DNAH5: variants seen among roughly 807,000 people sequenced by gnomAD.
DNAH5 encodes the protein axonemal beta dynein heavy chain 5.
A neutral mutation model predicts 518.2 loss-of-function variants in DNAH5; 372 were observed. The observed-to-expected ratio is 0.72, with a 90% CI of 0.66 to 0.78. The LOEUF (loss-of-function observed/expected upper bound fraction) is 0.78, where lower values mean the gene tolerates loss of function less well. Among genes scored for constraint, DNAH5 ranks in the 30% least tolerant of loss-of-function variants. The probability of loss-of-function intolerance (pLI) is 0.00; values close to 1 mark genes in which losing one functional copy is unlikely to be tolerated. For missense variants in DNAH5, 5,523 were observed against 5,687.0 expected, an observed-to-expected ratio of 0.97 and a Z score of 0.93; for synonymous variants, 2,039 against 2,025.9, an observed-to-expected ratio of 1.01 and a Z score of -0.17.
intron 1 of DNAH5, among the ~76,000 whole-genome samples, chr5:13,940,643 C>G (rs577216958): frequency 1.3e-5 from 2 of 152,100 alleles, no homozygotes; most frequent in South Asian, 4.1e-4. Flanking sequence ...CCTGGTGATT[C>G]TAATGTACAG....
intron 22 of DNAH5, among the ~76,000 whole-genome samples, chr5:13,872,698 T>A (rs930889825): frequency 3.3e-5 from 5 of 152,132 alleles, no homozygotes; most frequent in Non-Finnish European, 7.4e-5. Context: ...AATGCAGAGG[T>A]CATGTTTTCA....
At chr5:13,698,041 C>T (rs1036295864) in intron 78 of DNAH5, among the ~76,000 whole-genome samples, 2 of 152,162 alleles carry the variant, frequency 1.3e-5, no homozygotes, top group African/African-American at 4.8e-5. Flanking sequence ...ATCATCATGC[C>T]AGTGAGATAG....
intron 1 of DNAH5, among the ~76,000 whole-genome samples, chr5:14,010,659 C>T (rs187433480): frequency 6.6e-6 from 1 of 151,964 alleles, no homozygotes; most frequent in East Asian, 1.9e-4. Flanking sequence ...GTATTTATGA[C>T]ATAAATTATA....
chr5:13,852,644 G>T lies in DNAH5; in HGVS notation c.4951-1829C>A, dbSNP rs191518763. Among the ~76,000 whole-genome samples, 665 of 152,296 alleles carry T rather than the reference G, an allele frequency of 4.4e-3. 3 individuals carry two copies. The highest frequency in any genetic ancestry group is 0.015 in the African/African-American group (637 of 41,558). On this transcript the variant is annotated intron_variant, in intron 30 of 78. Transcript: ENST00000265104. ...GCTTGAAATTCTCACTGGCAGCACAGCAGTCTGAAGTCGACCGGGAATGCT... is the reference window on the plus strand; with the variant it reads ...GCTTGAAATTCTCACTGGCAGCACATCAGTCTGAAGTCGACCGGGAATGCT...
Position 13,994,679 on chromosome 5 carries a change from G to A in DNAH5, c.12+16969C>T, listed in dbSNP as rs150561140. On this transcript the variant is annotated intron_variant, in intron 1 of 78. Transcript: ENST00000681290. ...GTCTCTTCTGCTCATAAGCTTAAAC[G>A]GAAGGGGAACCCACAAGCTGGTTGG... Among the ~76,000 whole-genome samples, 208 of 152,214 alleles carry A rather than the reference G, an allele frequency of 1.4e-3. 3 individuals are homozygous for A. The highest frequency in any genetic ancestry group is 4.5e-3 in the African/African-American group (188 of 41,520).
intron 12 of DNAH5, among the ~76,000 whole-genome samples, chr5:13,902,721 G>C (rs1357397828): frequency 6.6e-6 from 1 of 152,166 alleles, no homozygotes; most frequent in Non-Finnish European, 1.5e-5. Flanking sequence ...CCCTGCCCTA[G>C]AGGAACTGAA....
At chr5:13,732,516 G>C (rs968761536) in intron 68 of DNAH5, among the ~76,000 whole-genome samples, 1 of 152,096 alleles carries the variant, frequency 6.6e-6, no homozygotes, top group African/African-American at 2.4e-5. Flanking sequence ...ACAGGTGTGA[G>C]CCACCACTCC....
intron 1 of DNAH5, among the ~76,000 whole-genome samples, chr5:13,960,523 G>A (rs1390911796): frequency 2.6e-5 from 4 of 152,222 alleles, no homozygotes; most frequent in African/African-American, 9.6e-5. Flanking sequence ...GCCCATGGCT[G>A]CGTTCATGCT....
chr5:13,824,649 A>G (rs547735552), intron 38 of DNAH5, among the ~76,000 whole-genome samples: 7 of 152,320 alleles, frequency 4.6e-5, no homozygotes, highest in Admixed American at 6.5e-5. Flanking sequence ...TTCTTAATCA[A>G]TCATACATAA....
At chr5:13,859,115 A>G (rs1768026183) in intron 30 of DNAH5, among the ~76,000 whole-genome samples, 1 of 152,130 alleles carries the variant, frequency 6.6e-6, no homozygotes, top group Non-Finnish European at 1.5e-5. Flanking sequence ...TACCATTGTC[A>G]AGATAACTGC....
chr5:13,789,710 T>C (rs1222640238), intron 50 of DNAH5, among the ~76,000 whole-genome samples: 3 of 152,214 alleles, frequency 2.0e-5, no homozygotes, highest in South Asian at 4.1e-4. Flanking sequence ...CTGGAATTGT[T>C]TGTGCTGATT....
intron 35 of DNAH5, 21 bp from the exon 36 acceptor site, chr5:13,830,796 C>T (rs1458076626): frequency 1.9e-6 from 3 of 1,613,498 alleles, no homozygotes; most frequent in Non-Finnish European, 2.5e-6. Context: ...AGAAACATCA[C>T]TAGAACCAGC....
chr5:13,810,157 A>G lies in DNAH5; in HGVS notation c.7511T>C (p.Leu2504Pro), dbSNP rs1344694038. 1 of 1,548,526 alleles carries G rather than the reference A, an allele frequency of 6.5e-7. No individual in the cohort carries two copies. Residue 2504 changes from leucine (L) to proline (P), a missense_variant, in exon 45 of 79, where the codon CTG becomes CCG. Leu to Pro is a moderately conservative substitution (Grantham distance 98). Transcript: ENST00000265104. ...AALELDGRRR[L>P]ELWLRSRPTG... ...GGGCCGAGAGCGCAGCCAGAGCTCC[A>G]GGCGGCGCCGTCCGTCCAGCTCCAG...
chr5:13,847,486 G>A (rs1396634336), intron 31 of DNAH5, among the ~76,000 whole-genome samples: 4 of 152,186 alleles, frequency 2.6e-5, no homozygotes, highest in East Asian at 1.9e-4. Context: ...TTGAGAGGCC[G>A]AGGAGGGTGG....
intron 3 of DNAH5, among the ~76,000 whole-genome samples, chr5:13,927,290 G>A (rs567548810): frequency 1.3e-3 from 199 of 152,162 alleles, no homozygotes; most frequent in African/African-American, 4.2e-3. Flanking sequence ...TCGAGAGATC[G>A]AGACCATCCT....
At chr5:13,878,425 C>G (rs1771191273) in intron 21 of DNAH5, among the ~76,000 whole-genome samples, 1 of 152,114 alleles carries the variant, frequency 6.6e-6, no homozygotes, top group South Asian at 2.1e-4. Context: ...CTTCTGGCAC[C>G]CCCCCGCCTA....
intron 12 of DNAH5, among the ~76,000 whole-genome samples, chr5:13,907,185 C>G (rs1007896591): frequency 6.6e-6 from 1 of 152,078 alleles, no homozygotes; most frequent in Non-Finnish European, 1.5e-5. Flanking sequence ...AATCCCAGCA[C>G]TTTGGGAGGC....
intron 15 of DNAH5, 144 bp downstream of exon 15, chr5:13,900,062 A>G: frequency 1.3e-6 from 1 of 743,752 alleles, no homozygotes; most frequent in Non-Finnish European, 2.2e-6. Flanking sequence ...CCAACTCTGC[A>G]GCTGCACCCC....
intron 38 of DNAH5, among the ~76,000 whole-genome samples, chr5:13,825,585 C>A (rs187231607): frequency 1.3e-5 from 2 of 152,066 alleles, no homozygotes; most frequent in African/African-American, 2.4e-5. Context: ...GAGGACATTA[C>A]ACTAAGTAAA....
Sources: allele counts gnomAD v4.1 joint callset (sites outside exome capture counted in the v4.1 genomes callset), GRCh38; gene constraint gnomAD v4.1.1; transcripts MANE v1.5; gene names NCBI Gene and HGNC (gene_info 2026-07-23, HGNC 2026-07-21).